ZNF567: variants seen among roughly 807,000 people sequenced by gnomAD.
ZNF567 encodes the protein zinc finger protein 567.
A neutral mutation model predicts 53.9 loss-of-function variants in ZNF567; 36 were observed. The observed-to-expected ratio is 0.67, with a 90% CI of 0.51 to 0.88. The LOEUF is 0.88. Ranked by LOEUF, ZNF567 falls within the 40% of genes least tolerant of loss-of-function variation. The pLI is 0.00. For synonymous variants in ZNF567, 224 were observed against 260.4 expected (o/e 0.86, Z 1.35); for missense variants, 619 against 764.7 (o/e 0.81, Z 2.25).
chr19:36,690,193 G>A (rs908473164), intron 2 of ZNF567, among the ~76,000 whole-genome samples: 1 of 152,166 alleles, frequency 6.6e-6, no homozygotes, highest in Admixed American at 6.5e-5. Context: ...TGTGTATGTG[G>A]AAAGTATGGG....
the ZNF567 span, among the ~76,000 whole-genome samples, chr19:36,677,718 G>A: frequency 1.3e-5 from 2 of 152,130 alleles, no homozygotes; most frequent in African/African-American, 4.8e-5. Context: ...AGTGAGCTGA[G>A]ATCATGCCAC....
chr19:36,702,578 T>G (rs571405647), intron 3 of ZNF567, among the ~76,000 whole-genome samples: 251 of 152,302 alleles, frequency 1.6e-3, no homozygotes, highest in African/African-American at 5.9e-3. Context: ...GACGTAGATT[T>G]GGTCTTTTCA....
chr19:36,669,732 A>G, the ZNF567 span, among the ~76,000 whole-genome samples: 2 of 152,296 alleles, frequency 1.3e-5, no homozygotes, highest in African/African-American at 2.4e-5. Flanking sequence ...TTCTGGAAGT[A>G]TACTGGTGCT....
At chr19:36,714,607 C>T in intron 5 of ZNF567, 1 of 388,792 alleles carries the variant, frequency 2.6e-6, no homozygotes, top group Non-Finnish European at 4.5e-6. Context: ...CTCCCCTTCT[C>T]ACTACAAATT....
intron 1 of ZNF567, 116 bp from the exon 2 acceptor site, chr19:36,689,281 T>TTA (rs2038468814): frequency 6.8e-6 from 1 of 147,102 alleles, no homozygotes; most frequent in Non-Finnish European, 1.5e-5. Flanking sequence ...GTGTATTTAT[T>TTA]TTTTTTTTTG....
the ZNF567 span, among the ~76,000 whole-genome samples, chr19:36,667,370 C>T: frequency 1.3e-5 from 2 of 151,584 alleles, no homozygotes; most frequent in African/African-American, 4.8e-5. Context: ...GGCGTGATGG[C>T]GCATGCCTGT....
At position 36,720,901 on chromosome 19, in the gene ZNF567, G is replaced by A. The variant is rs982749329; in HGVS notation, c.*233G>A. 24 of 308,876 alleles carry A rather than the reference G, an allele frequency of 7.8e-5. No homozygotes were observed. The highest frequency in any genetic ancestry group is 5.9e-5 in the Non-Finnish European group (10 of 170,270). The allele number at this position is 308,876 out of a possible 1,614,324, so 19.1% of individuals were successfully genotyped here. On this transcript the variant is annotated 3_prime_UTR_variant, in exon 6 of 6. Transcript: ENST00000682579. ...TTTAAAGTCAACTGCTCTTCCTACT[G>A]ACTCAAATAGTTTATTTTTTAAAAA...
intron 5 of ZNF567, among the ~76,000 whole-genome samples, chr19:36,715,634 A>G (rs2040029285): frequency 6.6e-6 from 1 of 150,390 alleles, no homozygotes; most frequent in Admixed American, 6.6e-5. Context: ...GGTTCAAGCA[A>G]TTCTTCTGCC....
chr19:36,704,023 C>T (rs1310958550), intron 3 of ZNF567, among the ~76,000 whole-genome samples: 6 of 152,228 alleles, frequency 3.9e-5, no homozygotes, highest in Admixed American at 6.5e-5. Context: ...TCTTCTGCAT[C>T]GCTCACGCTG....
At chr19:36,713,495 A>G (rs2039892026) in intron 5 of ZNF567, among the ~76,000 whole-genome samples, 1 of 151,714 alleles carries the variant, frequency 6.6e-6, no homozygotes, top group Non-Finnish European at 1.5e-5. Flanking sequence ...CTGTGGTTCC[A>G]GCTACTCAGA....
At chr19:36,678,850 CAA>C in the ZNF567 span, among the ~76,000 whole-genome samples, 367 of 137,528 alleles carry the variant, frequency 2.7e-3, no homozygotes, top group African/African-American at 6.8e-3. Context: ...GACTCTGTCT[CAA>C]AAAAAAAAAA....
chr19:36,667,701 G>C, the ZNF567 span, among the ~76,000 whole-genome samples: 1 of 146,518 alleles, frequency 6.8e-6, no homozygotes, highest in Admixed American at 6.8e-5. Flanking sequence ...CCAGGCTGGA[G>C]TGCAGTGGCG....
At chr19:36,701,481 T>A (rs1359364572) in intron 3 of ZNF567, among the ~76,000 whole-genome samples, 1 of 151,926 alleles carries the variant, frequency 6.6e-6, no homozygotes, top group East Asian at 1.9e-4. Context: ...GTATCCTTGT[T>A]AACTTTCTGT....
intron 3 of ZNF567, among the ~76,000 whole-genome samples, chr19:36,707,057 T>A (rs1335081517): frequency 6.6e-6 from 1 of 152,208 alleles, no homozygotes; most frequent in Non-Finnish European, 1.5e-5. Context: ...CTGATACTCT[T>A]ATCTTTTAAT....
At chr19:36,695,022 A>G in intron 3 of ZNF567, 146 bp downstream of exon 3, 1 of 877,404 alleles carries the variant, frequency 1.1e-6, no homozygotes, top group Non-Finnish European at 1.7e-6. Context: ...CATATTGGTC[A>G]GATAAGACTC....
the ZNF567 span, chr19:36,668,017 C>A: frequency 6.6e-6 from 1 of 152,262 alleles, no homozygotes; most frequent in African/African-American, 2.4e-5. Flanking sequence ...TAGCTCACTG[C>A]AGTCTCCACC....
chr19:36,706,408 G>C (rs142022205), intron 3 of ZNF567, among the ~76,000 whole-genome samples: 2 of 152,030 alleles, frequency 1.3e-5, no homozygotes, highest in Non-Finnish European at 1.5e-5. Flanking sequence ...ATCCTCTCAC[G>C]TCAGCCTCCT....
At chr19:36,694,723 C>T in intron 2 of ZNF567, 79 bp from the exon 3 acceptor site, 1 of 691,434 alleles carries the variant, frequency 1.4e-6, no homozygotes. Flanking sequence ...GAAATGGAGG[C>T]AATTTTAATA....
intron 1 of ZNF567, among the ~76,000 whole-genome samples, chr19:36,689,037 C>T (rs1206465843): frequency 6.6e-6 from 1 of 152,114 alleles, no homozygotes; most frequent in Non-Finnish European, 1.5e-5. Context: ...GTGGAAGTTG[C>T]AGTGAGCCAA....
Sources: allele counts gnomAD v4.1 joint callset (sites outside exome capture counted in the v4.1 genomes callset), GRCh38; gene constraint gnomAD v4.1.1; transcripts MANE v1.5; gene names NCBI Gene and HGNC (gene_info 2026-07-23, HGNC 2026-07-21).